ZFPM2: variants seen among roughly 807,000 people sequenced by gnomAD.
The protein encoded by ZFPM2 is zinc finger protein ZFPM2.
ZFPM2 carries 20 observed loss-of-function variants against 98.6 expected under a neutral mutation model. That is an observed-to-expected ratio of 0.20 (90% CI 0.14 to 0.29). The LOEUF (loss-of-function observed/expected upper bound fraction) is 0.29, where lower values mean the gene tolerates loss of function less well. Among genes scored for constraint, ZFPM2 ranks in the 10% least tolerant of loss-of-function variants. The pLI is 1.00. For synonymous variants in ZFPM2, 518 were observed against 502.7 expected (o/e 1.03, Z -0.41); for missense variants, 1,310 against 1,388.6 (o/e 0.94, Z 0.90).
At chr8:105,718,213 G>C (rs1464606639) in intron 5 of ZFPM2, among the ~76,000 whole-genome samples, 5 of 151,942 alleles carry the variant, frequency 3.3e-5, no homozygotes, top group Non-Finnish European at 5.9e-5. Context: ...TCTGGTGGCA[G>C]TTGCTCACTC....
intron 1 of ZFPM2, among the ~76,000 whole-genome samples, chr8:105,346,399 AT>A (rs1303673765): frequency 1.9e-4 from 28 of 151,010 alleles, no homozygotes; most frequent in African/African-American, 6.4e-4. Flanking sequence ...AAAAAAAAAA[AT>A]AAATAAATAA....
chr8:105,537,324 G>A (rs893013996), intron 3 of ZFPM2, among the ~76,000 whole-genome samples: 6 of 152,042 alleles, frequency 3.9e-5, no homozygotes, highest in African/African-American at 1.4e-4. Context: ...CCCAAATGAG[G>A]AATGGATTAT....
rs183585353 is a variant in ZFPM2, at chr8:105,350,101, A to G, written c.40+31120A>G. Among the ~76,000 whole-genome samples, 281 of 152,278 alleles carry G rather than the reference A, an allele frequency of 1.8e-3. 4 individuals are homozygous for G. Among genetic ancestry groups the G allele is most frequent in the Non-Finnish European group, 2.9e-3 (195 of 68,016 alleles). On this transcript the variant is annotated intron_variant, in intron 1 of 7. Transcript: ENST00000407775. ...AATGATATATACTTTTTAAGGGGTG[A>G]TGGTGCAGGAGGAAAGGATAAAGAA...
chr8:105,357,096 A>G (rs1812762812), intron 1 of ZFPM2, among the ~76,000 whole-genome samples: 1 of 139,524 alleles, frequency 7.2e-6, no homozygotes, highest in African/African-American at 2.5e-5. Flanking sequence ...CCGGTGAAGT[A>G]GTACTGCTCC....
intron 5 of ZFPM2, among the ~76,000 whole-genome samples, chr8:105,717,713 A>G (rs1811558259): frequency 6.6e-6 from 1 of 151,992 alleles, no homozygotes; most frequent in Admixed American, 6.6e-5. Context: ...GTAAAGGAGC[A>G]TAATTAAAAA....
intron 5 of ZFPM2, among the ~76,000 whole-genome samples, chr8:105,719,883 A>AAAT (rs1413521387): frequency 6.6e-6 from 1 of 151,936 alleles, no homozygotes; most frequent in Non-Finnish European, 1.5e-5. Flanking sequence ...TTCCATTTTC[A>AAAT]AATTAAATTT....
At chr8:105,693,190 A>G (rs1810930183) in intron 5 of ZFPM2, among the ~76,000 whole-genome samples, 2 of 152,264 alleles carry the variant, frequency 1.3e-5, no homozygotes, top group Admixed American at 1.3e-4. Flanking sequence ...ATACTGATCC[A>G]GTCCTCCATG....
chr8:105,656,932 C>G (rs1164377625), intron 5 of ZFPM2, among the ~76,000 whole-genome samples: 1 of 152,102 alleles, frequency 6.6e-6, no homozygotes, highest in Non-Finnish European at 1.5e-5. Flanking sequence ...ATAGGAAGCA[C>G]TCGAGAAATA....
intron 6 of ZFPM2, among the ~76,000 whole-genome samples, chr8:105,793,318 A>C (rs1813683503): frequency 6.6e-6 from 1 of 151,716 alleles, no homozygotes; most frequent in African/African-American, 2.4e-5. Context: ...TTGTCTGTAA[A>C]GTATTTTATT....
intron 5 of ZFPM2, among the ~76,000 whole-genome samples, chr8:105,738,535 C>G (rs1172181956): frequency 1.3e-5 from 2 of 151,958 alleles, no homozygotes; most frequent in Non-Finnish European, 2.9e-5. Flanking sequence ...GGGTATATAC[C>G]CAGTAATGGG....
chr8:105,540,318 G>A (rs992695577), intron 3 of ZFPM2, among the ~76,000 whole-genome samples: 39 of 151,982 alleles, frequency 2.6e-4, no homozygotes, highest in African/African-American at 8.0e-4. Context: ...CTTGAGCAAG[G>A]TTTTGTGAAC....
chr8:105,513,358 C>T (rs931035823), intron 3 of ZFPM2, among the ~76,000 whole-genome samples: 8 of 152,256 alleles, frequency 5.3e-5, no homozygotes, highest in Admixed American at 4.6e-4. Flanking sequence ...GTGGTTTAGA[C>T]ATTCTCTGTT....
intron 1 of ZFPM2, among the ~76,000 whole-genome samples, chr8:105,328,297 CTTG>C (rs1204354688): frequency 8.6e-5 from 13 of 151,736 alleles, no homozygotes; most frequent in African/African-American, 3.1e-4. Flanking sequence ...CATCATGAAG[CTTG>C]TTGTTTTGAT....
intron 5 of ZFPM2, among the ~76,000 whole-genome samples, chr8:105,703,749 T>C (rs1187609157): frequency 6.6e-6 from 1 of 152,238 alleles, no homozygotes; most frequent in Non-Finnish European, 1.5e-5. Flanking sequence ...CATTTCATTA[T>C]AAAAATCATT....
chr8:105,671,322 T>C, intron 5 of ZFPM2, among the ~76,000 whole-genome samples: 1 of 151,908 alleles, frequency 6.6e-6, no homozygotes, highest in East Asian at 1.9e-4. Context: ...CGAATTGTCT[T>C]CCATTTTATA....
At chr8:105,739,810 G>A (rs536670528) in intron 5 of ZFPM2, among the ~76,000 whole-genome samples, 3 of 152,022 alleles carry the variant, frequency 2.0e-5, no homozygotes, top group African/African-American at 7.2e-5. Context: ...AAATGGTAGG[G>A]TAGAGGTTGG....
chr8:105,351,292 T>C (rs1216106054), intron 1 of ZFPM2, among the ~76,000 whole-genome samples: 1 of 152,134 alleles, frequency 6.6e-6, no homozygotes, highest in African/African-American at 2.4e-5. Flanking sequence ...ATGTAAATAC[T>C]ATGTAAATAG....
At chr8:105,651,248 TC>T (rs1817167414) in intron 5 of ZFPM2, among the ~76,000 whole-genome samples, 1 of 152,148 alleles carries the variant, frequency 6.6e-6, no homozygotes, top group South Asian at 2.1e-4. Flanking sequence ...GAGAGCCTCA[TC>T]TGTTACTGCT....
chr8:105,418,546 C>T (rs1251045443), intron 1 of ZFPM2: 1 of 511,266 alleles, frequency 2.0e-6, no homozygotes, highest in Admixed American at 2.1e-5. Flanking sequence ...AACCACTTTT[C>T]ATTTCAGAAA....
Sources: gnomAD v4.1 joint callset for allele counts (sites outside exome capture counted in the v4.1 genomes callset) on GRCh38, gnomAD v4.1.1 for gene constraint, MANE v1.5 for transcripts, NCBI Gene and HGNC (gene_info 2026-07-23, HGNC 2026-07-21) for gene names.